Variants in ARHGAP40 observed in about 807,000 individuals in gnomAD.
ARHGAP40 encodes rho GTPase-activating protein 40.
Under a neutral mutation model 73.5 loss-of-function variants are expected in ARHGAP40, and 43 were observed. The observed-to-expected ratio is 0.58, with a 90% CI of 0.46 to 0.75. ARHGAP40 has a LOEUF of 0.75. Ranked by LOEUF, ARHGAP40 falls within the 30% of genes least tolerant of loss-of-function variation. ARHGAP40 has a pLI of 0.00. For synonymous variants in ARHGAP40, 300 were observed against 352.8 expected, an observed-to-expected ratio of 0.85 and a Z score of 1.68; for missense variants, 734 against 861.8, an observed-to-expected ratio of 0.85 and a Z score of 1.86.
chr20:38,623,759 T>C (rs1226287711), intron 2 of ARHGAP40, among the ~76,000 whole-genome samples: 1 of 152,208 alleles, frequency 6.6e-6, no homozygotes, highest in Non-Finnish European at 1.5e-5. Context: ...CAAGACGATC[T>C]TTTAGTAATG....
chr20:38,649,593 C>T (rs189764568), intron 14 of ARHGAP40, among the ~76,000 whole-genome samples, 164 bp from the exon 15 acceptor site: 4 of 152,312 alleles, frequency 2.6e-5, no homozygotes, highest in African/African-American at 9.6e-5. Context: ...AGGCATCTTC[C>T]CTCAGCGGAG....
At chr20:38,622,094 A>G (rs1026890232) in intron 1 of ARHGAP40, among the ~76,000 whole-genome samples, 1 of 151,718 alleles carries the variant, frequency 6.6e-6, no homozygotes, top group Non-Finnish European at 1.5e-5. Flanking sequence ...AAAACAGAAA[A>G]GCACATATAT....
intron 2 of ARHGAP40, among the ~76,000 whole-genome samples, chr20:38,624,443 C>T (rs1180942763): frequency 6.6e-6 from 1 of 152,156 alleles, no homozygotes; most frequent in African/African-American, 2.4e-5. Context: ...GAATTAGACT[C>T]CACCCCTTGA....
At chr20:38,649,736 C>A (rs1172380222) in intron 14 of ARHGAP40, 21 bp from the exon 15 acceptor site, 4 of 1,299,128 alleles carry the variant, frequency 3.1e-6, no homozygotes, top group South Asian at 1.2e-5. Context: ...ACTCAACCTC[C>A]TTCACCCCTT....
intron 2 of ARHGAP40, 118 bp from the exon 3 acceptor site, chr20:38,626,877 A>G: frequency 1.4e-6 from 1 of 723,362 alleles, no homozygotes; most frequent in Non-Finnish European, 2.0e-6. Flanking sequence ...TCTCACGATC[A>G]GATATGCAGA....
At chr20:38,628,498 G>T (rs56185220) in intron 3 of ARHGAP40, among the ~76,000 whole-genome samples, 4,662 of 152,160 alleles carry the variant, frequency 0.031, 79 homozygotes, top group South Asian at 0.064. Flanking sequence ...TAGAGACGGG[G>T]TTTCACTGTG....
intron 1 of ARHGAP40, among the ~76,000 whole-genome samples, chr20:38,612,541 G>C (rs978275749): frequency 2.6e-5 from 4 of 152,118 alleles, no homozygotes; most frequent in Admixed American, 6.5e-5. Context: ...GGGCATGGTG[G>C]AAGGTGCCTG....
chr20:38,629,686 C>A (rs138018792), intron 5 of ARHGAP40, 36 bp downstream of exon 5: 2 of 1,300,184 alleles, frequency 1.5e-6, no homozygotes, highest in African/African-American at 1.5e-5. Flanking sequence ...TTGGCTAGGT[C>A]CCCCTGTGCT....
At chr20:38,627,248 C>CTGA (rs2088903870) in intron 3 of ARHGAP40, 33 bp downstream of exon 3, 7 of 1,296,258 alleles carry the variant, frequency 5.4e-6, no homozygotes, top group Non-Finnish European at 7.1e-6. Flanking sequence ...CAGGCCCCGT[C>CTGA]TGACTGGGAT....
intron 13 of ARHGAP40, among the ~76,000 whole-genome samples, chr20:38,648,184 C>T (rs2089065829): frequency 6.6e-6 from 1 of 152,158 alleles, no homozygotes; most frequent in Non-Finnish European, 1.5e-5. Context: ...AGAAAAGAGG[C>T]CATGGAATTG....
Position 38,646,856 on chromosome 20 carries a change from C to T in ARHGAP40, c.1711-101C>T, listed in dbSNP as rs1469820138. On this transcript the variant is annotated intron_variant, in intron 12 of 14. Transcript: ENST00000373345. The surrounding 1 kb of genome is among the most constrained non-coding windows in gnomAD (Gnocchi z 4.5). ...TGTATCTTGTGATTTTCAGCGTGGG[C>T]ATTTGCGTAAGTGCCATGTATGCGT... The T allele has an allele frequency of 6.4e-6, 7 of 1,086,574 alleles. No individual in the cohort carries two copies. The highest frequency in any genetic ancestry group is 1.7e-5 in the African/African-American group (1 of 60,564). 67.3% of individuals were successfully genotyped at this position (1,086,574 alleles called of 1,614,324 possible). A position where few individuals can be genotyped will look rare whatever the true frequency, so the allele number is the denominator to read the frequency against.
intron 10 of ARHGAP40, among the ~76,000 whole-genome samples, chr20:38,642,830 A>G (rs1277079383): frequency 1.3e-5 from 2 of 152,134 alleles, no homozygotes; most frequent in Non-Finnish European, 2.9e-5. Flanking sequence ...CCTTATCTGT[A>G]AAACACATGC....
intron 1 of ARHGAP40, chr20:38,615,373 C>G: frequency 1.3e-6 from 1 of 746,472 alleles, no homozygotes. Context: ...GGTTAAAAGG[C>G]CCCAGGTACC....
chr20:38,633,067 G>A (rs2088951387), intron 5 of ARHGAP40, among the ~76,000 whole-genome samples: 1 of 151,758 alleles, frequency 6.6e-6, no homozygotes, highest in African/African-American at 2.4e-5. Flanking sequence ...AGATTGTAGT[G>A]AGCAGAGATC....
intron 10 of ARHGAP40, among the ~76,000 whole-genome samples, chr20:38,642,261 C>A (rs1263219362): frequency 6.6e-6 from 1 of 152,164 alleles, no homozygotes; most frequent in Non-Finnish European, 1.5e-5. Context: ...GTGTTCCATG[C>A]AGAACCAGTT....
intron 9 of ARHGAP40, among the ~76,000 whole-genome samples, chr20:38,640,033 G>A (rs2089004756): frequency 6.6e-6 from 1 of 152,184 alleles, no homozygotes; most frequent in South Asian, 2.1e-4. Flanking sequence ...GGGATCCTGA[G>A]AGGTCCTCTC....
At chr20:38,602,109 T>C (rs1443020872) in intron 1 of ARHGAP40, 30 bp downstream of exon 1, 1 of 1,265,434 alleles carries the variant, frequency 7.9e-7, no homozygotes, top group Non-Finnish European at 1.0e-6. Context: ...GGGAGGGAAG[T>C]TGGCCCTACT....
chr20:38,629,731 A>G (rs1362090338), intron 5 of ARHGAP40, 81 bp downstream of exon 5: 1 of 1,227,408 alleles, frequency 8.1e-7, no homozygotes, highest in African/African-American at 1.6e-5. Flanking sequence ...CACCTTCCAC[A>G]CTGACAGGCA....
intron 6 of ARHGAP40, among the ~76,000 whole-genome samples, chr20:38,635,105 C>T (rs951303902): frequency 3.3e-5 from 5 of 152,058 alleles, no homozygotes; most frequent in African/African-American, 1.2e-4. Flanking sequence ...TGGTCTTGGT[C>T]TCTTGACCTC....
Sources: allele counts gnomAD v4.1 joint callset (sites outside exome capture counted in the v4.1 genomes callset), GRCh38; gene constraint gnomAD v4.1.1; non-coding constraint Gnocchi (gnomAD v3.1); transcripts MANE v1.5; gene names NCBI Gene and HGNC (gene_info 2026-07-23, HGNC 2026-07-21).